SLCO2A1: variants seen among roughly 807,000 people sequenced by gnomAD.
The protein encoded by SLCO2A1 is matrin F/G 1.
Under a neutral mutation model 71.7 loss-of-function variants are expected in SLCO2A1, and 60 were observed. The ratio of observed to expected loss-of-function variants is 0.84; its 90% CI spans 0.68 to 1.04. The LOEUF (loss-of-function observed/expected upper bound fraction) is 1.04, where lower values mean the gene tolerates loss of function less well. SLCO2A1 is among the 50% of genes least tolerant of loss of function. The pLI is 0.00. For missense variants in SLCO2A1, 745 were observed against 813.4 expected (o/e 0.92, Z 1.02); for synonymous variants, 308 against 326.7 (o/e 0.94, Z 0.62).
At chr3:134,017,453 C>G (rs1935478812) in intron 1 of SLCO2A1, among the ~76,000 whole-genome samples, 1 of 152,200 alleles carries the variant, frequency 6.6e-6, no homozygotes, top group South Asian at 2.1e-4. Context: ...AGGATACAGA[C>G]AGGTGCAGAT....
intron 1 of SLCO2A1, among the ~76,000 whole-genome samples, chr3:133,995,816 A>C (rs981140654): frequency 6.6e-6 from 1 of 152,252 alleles, no homozygotes; most frequent in African/African-American, 2.4e-5. Flanking sequence ...CTAGGCACTC[A>C]TACGCCATAA....
intron 12 of SLCO2A1, 43 bp downstream of exon 12, chr3:133,938,386 C>G: frequency 6.5e-7 from 1 of 1,550,012 alleles, no homozygotes; most frequent in African/African-American, 1.4e-5. Flanking sequence ...GATGCCCCAT[C>G]GCCTGGGGCC....
intron 1 of SLCO2A1, among the ~76,000 whole-genome samples, chr3:134,002,320 G>A (rs1169008223): frequency 6.6e-6 from 1 of 152,188 alleles, no homozygotes; most frequent in African/African-American, 2.4e-5. Flanking sequence ...GGGGTTCTCA[G>A]GGACTGAGGT....
At position 134,003,285 on chromosome 3, in the gene SLCO2A1, C is replaced by A. The variant is rs1559954320; in HGVS notation, c.97-23667G>T. On this transcript the variant is annotated intron_variant, in intron 1 of 13. Coordinates refer to ENST00000310926, the MANE Select transcript of SLCO2A1 (RefSeq NM_005630.3). The stretch of plus-strand genomic sequence containing the variant: ...GAGAAGCAGACATGAGCTCACCTAC[C>A]TTTCCAGCACATGGGTGGATTCACG... 2.6e-5 allele frequency among the ~76,000 whole-genome samples: 4 copies of A among 152,224 alleles called. 1 individual carries two copies. Among genetic ancestry groups the A allele is most frequent in the Admixed American group, 2.6e-4 (4 of 15,284 alleles).
chr3:133,960,299 C>T (rs188241811), intron 3 of SLCO2A1, among the ~76,000 whole-genome samples: 1 of 152,264 alleles, frequency 6.6e-6, no homozygotes, highest in East Asian at 1.9e-4. Flanking sequence ...AAGTTAGAAA[C>T]AGCCCAAATA....
intron 1 of SLCO2A1, among the ~76,000 whole-genome samples, chr3:134,024,504 C>T (rs1485176402): frequency 6.6e-6 from 1 of 152,182 alleles, no homozygotes. Context: ...GCTACATGAC[C>T]TGGCAAAACT....
chr3:133,945,068 T>C, intron 10 of SLCO2A1, 27 bp downstream of exon 10: 10 of 1,594,702 alleles, frequency 6.3e-6, no homozygotes, highest in Non-Finnish European at 6.8e-6. Context: ...GGGGCTCCTC[T>C]TGCCTCTGGA....
intron 2 of SLCO2A1, among the ~76,000 whole-genome samples, chr3:133,978,486 G>A (rs548669001): frequency 8.5e-4 from 129 of 152,230 alleles, no homozygotes; most frequent in African/African-American, 3.0e-3. Flanking sequence ...AGGGGTGAAA[G>A]GGAAAGCCTT....
At chr3:133,967,151 C>T (rs1167248291) in intron 3 of SLCO2A1, among the ~76,000 whole-genome samples, 1 of 152,206 alleles carries the variant, frequency 6.6e-6, no homozygotes, top group South Asian at 2.1e-4. Context: ...ACCCTCCCCC[C>T]AAGCAGACCT....
intron 1 of SLCO2A1, among the ~76,000 whole-genome samples, chr3:134,015,571 CA>C (rs1190078241): frequency 1.3e-5 from 2 of 151,986 alleles, no homozygotes; most frequent in Non-Finnish European, 2.9e-5. Flanking sequence ...TATTTCAAAA[CA>C]ATAGTAAATT....
chr3:133,987,518 C>G (rs1316544124), intron 1 of SLCO2A1, among the ~76,000 whole-genome samples: 1 of 152,046 alleles, frequency 6.6e-6, no homozygotes, highest in East Asian at 1.9e-4. Flanking sequence ...CCCCCCACCC[C>G]ACTTCAAGTT....
intron 1 of SLCO2A1, among the ~76,000 whole-genome samples, chr3:134,018,246 G>A (rs1256568918): frequency 6.6e-6 from 1 of 152,162 alleles, no homozygotes; most frequent in Non-Finnish European, 1.5e-5. Context: ...GGAGGAGTGG[G>A]CATATCTTAA....
chr3:133,996,439 G>C (rs559730942), intron 1 of SLCO2A1, among the ~76,000 whole-genome samples: 1 of 152,222 alleles, frequency 6.6e-6, no homozygotes, highest in Admixed American at 6.5e-5. Context: ...GACGCCTGTC[G>C]GCTCTCCCCA....
intron 3 of SLCO2A1, among the ~76,000 whole-genome samples, chr3:133,965,030 G>A (rs1279806574): frequency 1.3e-5 from 2 of 152,174 alleles, no homozygotes; most frequent in Non-Finnish European, 2.9e-5. Flanking sequence ...GCAAAGAAAT[G>A]TGAGCTTAAT....
At chr3:133,997,471 T>G (rs1934992657) in intron 1 of SLCO2A1, among the ~76,000 whole-genome samples, 1 of 152,210 alleles carries the variant, frequency 6.6e-6, no homozygotes, top group South Asian at 2.1e-4. Context: ...CCTGGCATTC[T>G]TACAAAAAGA....
chr3:133,943,972 C>T (rs2108039723), intron 10 of SLCO2A1, among the ~76,000 whole-genome samples: 1 of 152,364 alleles, frequency 6.6e-6, no homozygotes, highest in South Asian at 2.1e-4. Context: ...TCTCATTGCT[C>T]AGCAGTTCCT....
At chr3:134,002,092 C>T (rs1188838971) in intron 1 of SLCO2A1, among the ~76,000 whole-genome samples, 1 of 152,202 alleles carries the variant, frequency 6.6e-6, no homozygotes, top group Non-Finnish European at 1.5e-5. Flanking sequence ...TAACTTGAAC[C>T]TGTAAACATC....
chr3:134,009,450 ACT>A (rs1935287197), intron 1 of SLCO2A1, among the ~76,000 whole-genome samples: 1 of 152,160 alleles, frequency 6.6e-6, no homozygotes, highest in South Asian at 2.1e-4. Flanking sequence ...TTATTTATTG[ACT>A]CTCTGATTGC....
At chr3:134,015,966 T>C (rs1469613676) in intron 1 of SLCO2A1, among the ~76,000 whole-genome samples, 2 of 151,826 alleles carry the variant, frequency 1.3e-5, no homozygotes, top group African/African-American at 4.8e-5. Flanking sequence ...TGGATAGCAA[T>C]AGGTAAAAAA....
Sources: gnomAD v4.1 joint callset for allele counts (sites outside exome capture counted in the v4.1 genomes callset) on GRCh38, gnomAD v4.1.1 for gene constraint, MANE v1.5 for transcripts, NCBI Gene and HGNC (gene_info 2026-07-23, HGNC 2026-07-21) for gene names.